The following PAPPA variants were observed in gnomAD, a reference collection of about 807,000 sequenced individuals.
PAPPA encodes the protein pappalysin 1, also known as pappalysin-1.
In PAPPA, 60 loss-of-function variants were observed where a neutral mutation model predicts 164.0. That is an observed-to-expected ratio of 0.37 (90% confidence interval 0.30 to 0.45). PAPPA has a LOEUF of 0.45. PAPPA is among the 20% of genes least tolerant of loss of function. The pLI is 1.00. For missense variants in PAPPA, 1,782 were observed against 2,087.3 expected (o/e 0.85, Z 2.85); for synonymous variants, 875 against 814.1 (o/e 1.07, Z -1.27).
intron 10 of PAPPA, among the ~76,000 whole-genome samples, chr9:116,311,403 T>C (rs1845716382): frequency 1.3e-5 from 2 of 152,172 alleles, no homozygotes; most frequent in Admixed American, 1.3e-4. Flanking sequence ...AGTGCTGTGA[T>C]ATGTGGACAA....
intron 13 of PAPPA, 91 bp downstream of exon 13, chr9:116,335,165 TAA>T: frequency 9.3e-7 from 1 of 1,080,628 alleles, no homozygotes. Flanking sequence ...TGTGTGGATG[TAA>T]AAAGTCTGTG....
intron 9 of PAPPA, among the ~76,000 whole-genome samples, chr9:116,278,570 C>G (rs1845229334): frequency 6.6e-6 from 1 of 152,130 alleles, no homozygotes; most frequent in South Asian, 2.1e-4. Context: ...GCATAAAGCT[C>G]ATACCCCCAA....
intron 10 of PAPPA, among the ~76,000 whole-genome samples, chr9:116,315,234 G>A (rs1164640090): frequency 6.6e-6 from 1 of 152,190 alleles, no homozygotes; most frequent in African/African-American, 2.4e-5. Flanking sequence ...CATTACAAAG[G>A]AGATAAGTGC....
At chr9:116,179,017 A>G (rs893022383) in intron 1 of PAPPA, among the ~76,000 whole-genome samples, 1 of 152,218 alleles carries the variant, frequency 6.6e-6, no homozygotes, top group Non-Finnish European at 1.5e-5. Flanking sequence ...AGGAACCCTC[A>G]GGCATACTAC....
intron 13 of PAPPA, among the ~76,000 whole-genome samples, chr9:116,336,261 GA>G (rs1846060781): frequency 6.6e-6 from 1 of 151,976 alleles, no homozygotes; most frequent in Non-Finnish European, 1.5e-5. Flanking sequence ...AGAAGAGGGG[GA>G]CACTAGCCTT....
intron 12 of PAPPA, 117 bp downstream of exon 12, chr9:116,332,585 C>A: frequency 1.1e-6 from 1 of 941,574 alleles, no homozygotes; most frequent in Non-Finnish European, 1.6e-6. Context: ...CCCTTTCTTG[C>A]TTCTTTTCTA....
chr9:116,181,074 A>G (rs1366532545), intron 1 of PAPPA, among the ~76,000 whole-genome samples: 1 of 152,214 alleles, frequency 6.6e-6, no homozygotes, highest in Non-Finnish European at 1.5e-5. Flanking sequence ...ACAGCAATTG[A>G]GTAAATTGAG....
chr9:116,245,063 A>T (rs1844781041), intron 7 of PAPPA, among the ~76,000 whole-genome samples: 1 of 152,064 alleles, frequency 6.6e-6, no homozygotes, highest in African/African-American at 2.4e-5. Context: ...TCAGACATAG[A>T]CAAATACCTC....
At chr9:116,237,711 T>C (rs1415593674) in intron 7 of PAPPA, among the ~76,000 whole-genome samples, 1 of 151,592 alleles carries the variant, frequency 6.6e-6, no homozygotes, top group Non-Finnish European at 1.5e-5. Flanking sequence ...GATTAATTCT[T>C]CTCTCTCTCT....
In PAPPA at chr9:116,347,295, A is replaced by C. The variant is rs1438892938; in HGVS notation, c.3964+86A>C. On this transcript the variant is annotated intron_variant, in intron 15 of 21. Coordinates refer to ENST00000328252, the MANE Select transcript of PAPPA (RefSeq NM_002581.5). This position sits in a 1 kb window ranked among gnomAD's most constrained non-coding sequence, Gnocchi z 4.5. Reference sequence around the variant, plus strand: ...ATCCAGGCCCTCTTTCTGGGTCTCAAACACCAAGGGTGGGATGGGTTTTAT... The same window carrying C: ...ATCCAGGCCCTCTTTCTGGGTCTCACACACCAAGGGTGGGATGGGTTTTAT... 7 of 1,204,282 alleles carry C rather than the reference A, an allele frequency of 5.8e-6. No individual in the cohort carries two copies. The highest frequency in any genetic ancestry group is 1.5e-5 in the African/African-American group (1 of 65,774). The allele number at this position is 1,204,282 out of a possible 1,614,324, so 74.6% of individuals were successfully genotyped here.
intron 3 of PAPPA, among the ~76,000 whole-genome samples, chr9:116,210,525 T>G (rs987276040): frequency 6.6e-6 from 1 of 152,238 alleles, no homozygotes; most frequent in Admixed American, 6.5e-5. Flanking sequence ...TTCACAGACC[T>G]GAGTTTTAAC....
intron 17 of PAPPA, among the ~76,000 whole-genome samples, chr9:116,356,184 G>A (rs1285007840): frequency 6.6e-6 from 1 of 152,186 alleles, no homozygotes; most frequent in East Asian, 1.9e-4. Context: ...TATGACACTG[G>A]ATCTGTAGTT....
intron 17 of PAPPA, among the ~76,000 whole-genome samples, chr9:116,358,409 T>G (rs1383731881): frequency 6.6e-6 from 1 of 152,238 alleles, no homozygotes; most frequent in Non-Finnish European, 1.5e-5. Flanking sequence ...AATGAGCACT[T>G]ACTACATGCC....
At chr9:116,311,701 T>C (rs1354133796) in intron 10 of PAPPA, among the ~76,000 whole-genome samples, 5 of 152,180 alleles carry the variant, frequency 3.3e-5, no homozygotes, top group Non-Finnish European at 7.4e-5. Flanking sequence ...TTCTGTGAGA[T>C]GGTATGAGGA....
chr9:116,195,178 A>C (rs1214264532), intron 2 of PAPPA, among the ~76,000 whole-genome samples: 1 of 152,156 alleles, frequency 6.6e-6, no homozygotes, highest in East Asian at 1.9e-4. Flanking sequence ...ATACACAGAC[A>C]TACAGATTCA....
intron 10 of PAPPA, among the ~76,000 whole-genome samples, chr9:116,324,743 G>T (rs181836212): frequency 2.6e-5 from 4 of 152,112 alleles, no homozygotes; most frequent in Admixed American, 6.6e-5. Context: ...GCAATGCAGC[G>T]GTGGTGGGCG....
intron 7 of PAPPA, among the ~76,000 whole-genome samples, chr9:116,251,333 C>T (rs768269714): frequency 6.6e-6 from 1 of 152,146 alleles, no homozygotes; most frequent in Non-Finnish European, 1.5e-5. Context: ...CAAGCCACTC[C>T]TGGGAAGGGT....
chr9:116,268,846 T>TG (rs945839075), intron 8 of PAPPA, among the ~76,000 whole-genome samples: 5 of 56,284 alleles, frequency 8.9e-5, no homozygotes, highest in Admixed American at 2.8e-4. Context: ...TAAGTAGGGG[T>TG]GGGGGGGTAG....
intron 6 of PAPPA, among the ~76,000 whole-genome samples, chr9:116,229,574 G>C (rs563784037): frequency 6.6e-6 from 1 of 152,356 alleles, no homozygotes; most frequent in East Asian, 1.9e-4. Flanking sequence ...ACAAGGTAGA[G>C]GTGGCAGAGG....
Sources: gnomAD v4.1 joint callset for allele counts (sites outside exome capture counted in the v4.1 genomes callset) on GRCh38, gnomAD v4.1.1 for gene constraint, Gnocchi (gnomAD v3.1) non-coding constraint, MANE v1.5 for transcripts, NCBI Gene and HGNC (gene_info 2026-07-23, HGNC 2026-07-21) for gene names.